The following FIG4 variants were observed in gnomAD, a reference collection of about 807,000 sequenced individuals.
FIG4 encodes the protein FIG4 phosphoinositide 5-phosphatase, also known as polyphosphoinositide phosphatase.
FIG4 carries 112 observed loss-of-function variants against 118.6 expected under a neutral mutation model. The ratio of observed to expected loss-of-function variants is 0.94; its 90% CI spans 0.81 to 1.11. The LOEUF (loss-of-function observed/expected upper bound fraction) is 1.11. FIG4 is among the 50% of genes least tolerant of loss of function. FIG4 has a pLI of 0.00. For synonymous variants in FIG4, 369 were observed against 381.2 expected, an observed-to-expected ratio of 0.97 and a Z score of 0.37; for missense variants, 969 against 1,111.7, an observed-to-expected ratio of 0.87 and a Z score of 1.83.
chr6:109,698,869 G>A (rs981162141), intron 1 of FIG4, among the ~76,000 whole-genome samples: 5 of 151,898 alleles, frequency 3.3e-5, no homozygotes, highest in Non-Finnish European at 7.4e-5. Flanking sequence ...TTTATATATT[G>A]CTAGATTCTA....
chr6:109,825,243 A>G lies in FIG4; in HGVS notation c.2702A>G (p.Tyr901Cys). ...GAGGACTCCTCCATGTACCGAGAGT[A>G]CATCAGGAACCGCTACCTGTGAAAA... The part of the protein sequence containing the change: ...GKEDSSMYRE[Y>C]IRNRYL Residue 901 changes from tyrosine (Y) to cysteine (C), a missense_variant, in exon 23 of 23, where the codon TAC becomes TGC. This residue lies in a region of FIG4 where 330 missense variants were observed against 348.1 expected (regional missense o/e 0.95). Coordinates refer to ENST00000230124, the MANE Select transcript of FIG4 (RefSeq NM_014845.6). The G allele has an allele frequency of 1.2e-6, 2 of 1,614,112 alleles. No homozygotes were observed. Among genetic ancestry groups the G allele is most frequent in the Non-Finnish European group, 1.7e-6 (2 of 1,179,988 alleles).
At chr6:109,773,191 C>T (rs1777517626) in intron 15 of FIG4, among the ~76,000 whole-genome samples, 1 of 152,206 alleles carries the variant, frequency 6.6e-6, no homozygotes, top group African/African-American at 2.4e-5. Flanking sequence ...CCTCTTCAGC[C>T]TCTAAAGGAT....
chr6:109,800,998 T>G (rs1386936820), intron 22 of FIG4, among the ~76,000 whole-genome samples: 2 of 152,166 alleles, frequency 1.3e-5, no homozygotes, highest in Non-Finnish European at 2.9e-5. Context: ...ACTATATTCG[T>G]GCAAGACCAA....
At chr6:109,804,325 G>T (rs987386336) in intron 22 of FIG4, among the ~76,000 whole-genome samples, 1 of 152,120 alleles carries the variant, frequency 6.6e-6, no homozygotes, top group African/African-American at 2.4e-5. Flanking sequence ...GGCAGATGGA[G>T]TGATTATTGA....
intron 18 of FIG4, among the ~76,000 whole-genome samples, chr6:109,789,384 A>G (rs1056884652): frequency 5.3e-5 from 8 of 152,230 alleles, no homozygotes; most frequent in Non-Finnish European, 1.2e-4. Flanking sequence ...CCTCGTGATC[A>G]TAGAGAATTC....
intron 1 of FIG4, among the ~76,000 whole-genome samples, chr6:109,696,395 T>C (rs932086129): frequency 9.2e-5 from 14 of 152,194 alleles, no homozygotes; most frequent in Non-Finnish European, 1.8e-4. Context: ...CCCTTATATA[T>C]TCAAAAGAAA....
chr6:109,784,540 G>A (rs1223102619), intron 16 of FIG4, among the ~76,000 whole-genome samples: 1 of 152,208 alleles, frequency 6.6e-6, no homozygotes, highest in Non-Finnish European at 1.5e-5. Context: ...CTAACTATCA[G>A]ATAACTACAC....
Position 109,777,022 on chromosome 6 carries a change from T to C in FIG4, c.1851T>C (p.His617=), listed in dbSNP as rs920168511. 6.2e-7 allele frequency: 1 copy of C among 1,613,856 alleles called. No homozygotes were observed. The highest frequency in any genetic ancestry group is 2.2e-5 in the East Asian group (1 of 44,830). Residue 617 remains histidine, a synonymous_variant, in exon 16 of 23, where the codon CAT becomes CAC. Transcript: ENST00000230124. ...AGCTCCCAACAGATTTTTATTTGCA[T>C]CACAAAAATACCATGAGACTTTTGC... ...LWELPTDFYL[H]HKNTMRLLPT...
intron 3 of FIG4, among the ~76,000 whole-genome samples, chr6:109,723,166 T>A (rs1775662591): frequency 6.6e-6 from 1 of 152,250 alleles, no homozygotes; most frequent in African/African-American, 2.4e-5. Context: ...TTGTTTTTAT[T>A]ATTTTTAGTA....
intron 1 of FIG4, among the ~76,000 whole-genome samples, chr6:109,695,280 A>G (rs142771426): frequency 4.6e-4 from 70 of 152,364 alleles, no homozygotes; most frequent in African/African-American, 1.7e-3. Flanking sequence ...TGTTAACTAA[A>G]GAAAAATGGG....
chr6:109,778,768 T>A (rs907898018), intron 16 of FIG4, among the ~76,000 whole-genome samples: 2 of 151,908 alleles, frequency 1.3e-5, no homozygotes, highest in African/African-American at 4.8e-5. Flanking sequence ...CCAGCTAATT[T>A]TTTTGTATTT....
chr6:109,787,188 G>A (rs1443938727), intron 18 of FIG4, among the ~76,000 whole-genome samples: 4 of 151,938 alleles, frequency 2.6e-5, no homozygotes, highest in Non-Finnish European at 5.9e-5. Flanking sequence ...AATTTGATGG[G>A]ACCCTTTAGG....
intron 15 of FIG4, among the ~76,000 whole-genome samples, chr6:109,771,729 C>G (rs1035284880): frequency 1.3e-5 from 2 of 152,100 alleles, no homozygotes; most frequent in African/African-American, 4.8e-5. Context: ...CTTTTCTGCA[C>G]CCATAGTTTC....
chr6:109,754,494 G>A (rs1776817580), intron 10 of FIG4, among the ~76,000 whole-genome samples: 2 of 152,124 alleles, frequency 1.3e-5, no homozygotes, highest in Admixed American at 1.3e-4. Context: ...TCTATTGATT[G>A]GAATAGTTTC....
chr6:109,696,557 C>T (rs1346195133), intron 1 of FIG4, among the ~76,000 whole-genome samples: 1 of 152,022 alleles, frequency 6.6e-6, no homozygotes, highest in Non-Finnish European at 1.5e-5. Context: ...TACTATTCAG[C>T]CAGGAAAAAG....
intron 1 of FIG4, among the ~76,000 whole-genome samples, chr6:109,703,690 C>G (rs1774970568): frequency 6.6e-6 from 1 of 152,096 alleles, no homozygotes; most frequent in African/African-American, 2.4e-5. Context: ...GGATCTTGCC[C>G]CCTCTCTGTC....
chr6:109,824,558 G>A (rs1414986836), intron 22 of FIG4, among the ~76,000 whole-genome samples: 1 of 152,190 alleles, frequency 6.6e-6, no homozygotes, highest in Non-Finnish European at 1.5e-5. Context: ...ATTAACAACA[G>A]TTCACATTTA....
rs1562682597 is a variant in FIG4 at position 109,784,955 on chromosome 6, AT to A, written c.1890-10del. Reference sequence around the variant, plus strand: ...TACATTTGGTTCATCTTTTTTTTTAATTTTTATTTTATAGTTATACTTACTG... The same window carrying A: ...TACATTTGGTTCATCTTTTTTTTTAATTTTATTTTATAGTTATACTTACTG... On this transcript the variant is annotated splice_polypyrimidine_tract_variant and intron_variant, in intron 16 of 22. Coordinates refer to ENST00000230124, the MANE Select transcript of FIG4 (RefSeq NM_014845.6). 2.8e-6 allele frequency: 4 copies of A among 1,420,634 alleles called. No homozygotes were observed. The highest frequency in any genetic ancestry group is 2.9e-6 in the Non-Finnish European group (3 of 1,029,796). 88.0% of individuals were successfully genotyped at this position (1,420,634 alleles called of 1,614,324 possible). A position where few individuals can be genotyped will look rare whatever the true frequency, so the allele number is the denominator to read the frequency against.
chr6:109,754,614 C>G (rs1357865482), intron 10 of FIG4, among the ~76,000 whole-genome samples: 2 of 152,194 alleles, frequency 1.3e-5, no homozygotes, highest in African/African-American at 4.8e-5. Flanking sequence ...GCCACAATTT[C>G]AGATCCTGTT....
Sources: allele counts gnomAD v4.1 joint callset (sites outside exome capture counted in the v4.1 genomes callset), GRCh38; gene constraint gnomAD v4.1.1; regional missense constraint gnomAD v4.1.1; transcripts MANE v1.5; gene names NCBI Gene and HGNC (gene_info 2026-07-23, HGNC 2026-07-21).